PRKAR1B: variants seen among roughly 807,000 people sequenced by gnomAD.
The protein encoded by PRKAR1B is cAMP-dependent protein kinase type I-beta regulatory subunit.
Under a neutral mutation model 46.5 loss-of-function variants are expected in PRKAR1B, and 22 were observed. That is an observed-to-expected ratio of 0.47 (90% CI 0.34 to 0.68). The LOEUF is 0.68. Among genes scored for constraint, PRKAR1B ranks in the 30% least tolerant of loss-of-function variants. The pLI is 0.01. For missense variants in PRKAR1B, 445 were observed against 535.6 expected (o/e 0.83, Z 1.67); for synonymous variants, 259 against 217.7 (o/e 1.19, Z -1.67).
At chr7:676,311 C>A (rs538419179) in intron 4 of PRKAR1B, among the ~76,000 whole-genome samples, 1 of 152,326 alleles carries the variant, frequency 6.6e-6, no homozygotes, top group Admixed American at 6.5e-5. Context: ...CCCTGAATAA[C>A]CCTGACCTCC....
intron 4 of PRKAR1B, among the ~76,000 whole-genome samples, chr7:670,358 A>C (rs1179982783): frequency 6.6e-6 from 1 of 152,128 alleles, no homozygotes; most frequent in Non-Finnish European, 1.5e-5. Context: ...GCCCATGCTC[A>C]CCTGTGACAT....
chr7:637,336 G>C (rs867171638), intron 4 of PRKAR1B, among the ~76,000 whole-genome samples: 3 of 152,232 alleles, frequency 2.0e-5, no homozygotes, highest in Middle Eastern at 6.8e-3. Context: ...AGAATCGCTT[G>C]AACCAGGGAG....
intron 6 of PRKAR1B, 35 bp from the exon 7 acceptor site, chr7:596,339 C>A: frequency 6.3e-7 from 1 of 1,584,730 alleles, no homozygotes; most frequent in Non-Finnish European, 8.6e-7. Context: ...GTCACGGGGG[C>A]CAGGCAGGGT....
intron 4 of PRKAR1B, among the ~76,000 whole-genome samples, chr7:638,243 C>G (rs1784224783): frequency 6.6e-6 from 1 of 152,204 alleles, no homozygotes; most frequent in Non-Finnish European, 1.5e-5. Context: ...AGCCCCATGC[C>G]CGGATAAACA....
intron 1 of PRKAR1B, among the ~76,000 whole-genome samples, chr7:725,964 T>C (rs1055968500): frequency 2.0e-5 from 3 of 152,154 alleles, no homozygotes; most frequent in Non-Finnish European, 4.4e-5. Context: ...CAATAAGCAC[T>C]GCCCTCTCCC....
intron 2 of PRKAR1B, among the ~76,000 whole-genome samples, chr7:707,782 C>T (rs1054879399): frequency 2.6e-5 from 4 of 152,142 alleles, no homozygotes; most frequent in African/African-American, 9.7e-5. Flanking sequence ...CACCCACAAT[C>T]GCCAGCACCA....
intron 4 of PRKAR1B, among the ~76,000 whole-genome samples, chr7:642,510 G>A (rs2128485677): frequency 6.6e-6 from 1 of 152,220 alleles, no homozygotes; most frequent in South Asian, 2.1e-4. Flanking sequence ...CGGATCACGA[G>A]GTCAGGAGAT....
chr7:553,311 C>T (rs1784367330), intron 9 of PRKAR1B, among the ~76,000 whole-genome samples: 1 of 152,232 alleles, frequency 6.6e-6, no homozygotes, highest in Non-Finnish European at 1.5e-5. Flanking sequence ...CTGTCGCCGG[C>T]CCTGCACGCC....
At chr7:639,098 T>A (rs1562581503) in intron 4 of PRKAR1B, among the ~76,000 whole-genome samples, 1 of 149,984 alleles carries the variant, frequency 6.7e-6, no homozygotes, top group East Asian at 2.0e-4. Flanking sequence ...ATAAAAATTT[T>A]AAAAAATGAA....
At chr7:609,162 G>A (rs1025605536) in intron 4 of PRKAR1B, among the ~76,000 whole-genome samples, 6 of 152,248 alleles carry the variant, frequency 3.9e-5, no homozygotes, top group East Asian at 3.9e-4. Context: ...ACCTGGCCCC[G>A]GTGGGGACAT....
chr7:718,547 G>C (rs1780964379), intron 1 of PRKAR1B, among the ~76,000 whole-genome samples: 1 of 151,726 alleles, frequency 6.6e-6, no homozygotes. Flanking sequence ...AGTAGAGACG[G>C]GGTTTGACCA....
chr7:645,562 G>A (rs184589788), intron 4 of PRKAR1B, among the ~76,000 whole-genome samples: 79 of 152,280 alleles, frequency 5.2e-4, no homozygotes, highest in African/African-American at 1.9e-3. Flanking sequence ...TAAGATGGGA[G>A]GATCACTCAA....
intron 2 of PRKAR1B, among the ~76,000 whole-genome samples, chr7:701,893 T>C (rs1190877025): frequency 1.3e-5 from 2 of 152,006 alleles, no homozygotes; most frequent in East Asian, 1.9e-4. Flanking sequence ...GTGGGGGAAA[T>C]GATCACAGAG....
At position 593,604 on chromosome 7, in the gene PRKAR1B, T is replaced by A. The variant is rs1781108573; in HGVS notation, c.708+2542A>T. Among the ~76,000 whole-genome samples the A allele has an allele frequency of 6.6e-6, 1 of 152,044 alleles. No individual in the cohort carries two copies. Among genetic ancestry groups the A allele is most frequent in the South Asian group, 2.1e-4 (1 of 4,820 alleles). On this transcript the variant is annotated intron_variant, in intron 7 of 10. Transcript: ENST00000537384. This position sits in a 1 kb window ranked among gnomAD's most constrained non-coding sequence, Gnocchi z 6.1. ...CCGGGCCAGGTGCGCCCAGAGGAGA[T>A]GGGAACCGCTGTGCCCTCTTCCTGC...
intron 2 of PRKAR1B, among the ~76,000 whole-genome samples, chr7:694,157 C>T (rs1290062164): frequency 3.9e-5 from 6 of 152,084 alleles, no homozygotes; most frequent in African/African-American, 7.2e-5. Flanking sequence ...TGGTGGTGTG[C>T]GCCTGTAGTC....
Position 696,049 on chromosome 7 carries a change from G to C in PRKAR1B, c.177+15280C>G, listed in dbSNP as rs559193192. Among the ~76,000 whole-genome samples, 49 of 146,272 alleles carry C rather than the reference G, an allele frequency of 3.3e-4. No individual in the cohort carries two copies. The South Asian group carries it at 0.011, about 32-fold the overall frequency. On this transcript the variant is annotated intron_variant, in intron 2 of 10. Transcript: ENST00000537384. The stretch of plus-strand genomic sequence containing the variant: ...AGTGGCGTGACCATAGCTCACTGCA[G>C]CCTCGACCACCCAGGCTCAAGCAAT...
At chr7:717,108 T>C (rs575164303) in intron 1 of PRKAR1B, among the ~76,000 whole-genome samples, 2 of 151,272 alleles carry the variant, frequency 1.3e-5, no homozygotes, top group Non-Finnish European at 3.0e-5. Context: ...CTGGGCAACA[T>C]GGTGAAACCC....
intron 4 of PRKAR1B, among the ~76,000 whole-genome samples, chr7:660,728 A>G (rs1785482111): frequency 1.9e-5 from 2 of 102,712 alleles, no homozygotes; most frequent in African/African-American, 7.9e-5. Context: ...TCCATGGCAC[A>G]GGTCCCCACC....
chr7:605,976 G>T (rs1345598971), intron 6 of PRKAR1B, among the ~76,000 whole-genome samples: 1 of 152,232 alleles, frequency 6.6e-6, no homozygotes, highest in African/African-American at 2.4e-5. Flanking sequence ...TGAGGCCGCT[G>T]CCGGCACCTG....
Sources: allele counts gnomAD v4.1 joint callset (sites outside exome capture counted in the v4.1 genomes callset), GRCh38; gene constraint gnomAD v4.1.1; non-coding constraint Gnocchi (gnomAD v3.1); transcripts MANE v1.5; gene names NCBI Gene and HGNC (gene_info 2026-07-23, HGNC 2026-07-21).